The following MUC5B variants were observed in gnomAD, a reference collection of about 807,000 sequenced individuals.
The protein encoded by MUC5B is mucin 5B, oligomeric mucus/gel-forming.
A neutral mutation model predicts 376.9 loss-of-function variants in MUC5B; 116 were observed. That is an observed-to-expected ratio of 0.31 (90% CI 0.26 to 0.36). MUC5B has a LOEUF of 0.36. Among genes scored for constraint, MUC5B ranks in the 10% least tolerant of loss-of-function variants. MUC5B has a pLI of 1.00. For missense variants in MUC5B, 7,165 were observed against 7,769.9 expected (o/e 0.92, Z 2.93); for synonymous variants, 3,517 against 3,390.9 (o/e 1.04, Z -1.29).
At position 1,255,166 on chromosome 11, in the gene MUC5B, A is replaced by G; in HGVS notation, c.15790A>G (p.Thr5264Ala). 1 of 1,560,350 alleles carries G rather than the reference A, an allele frequency of 6.4e-7. No homozygotes were observed. Among genetic ancestry groups the G allele is most frequent in the Non-Finnish European group, 8.7e-7 (1 of 1,153,340 alleles). Residue 5264 changes from threonine (T) to alanine (A), a missense_variant, in exon 36 of 49, where the codon ACT becomes GCT. Physicochemically the swap from Thr to Ala is moderately conservative, Grantham distance 58. Around this residue, in one of 31 missense-constraint regions of MUC5B, gnomAD observed 842 missense variants for 1,016.9 expected, o/e 0.83. Coordinates refer to ENST00000529681, the MANE Select transcript of MUC5B (RefSeq NM_002458.3). Reference protein sequence around the residue: ...DSRKDGCWAPTGTPPTASPAA... With the variant: ...DSRKDGCWAPAGTPPTASPAA... ...CAGAAAGGATGGCTGCTGGGCCCCGACTGGCACACCCCCCACTGCCAGCCC... is the reference window on the plus strand; with the variant it reads ...CAGAAAGGATGGCTGCTGGGCCCCGGCTGGCACACCCCCCACTGCCAGCCC...
At chr11:1,238,398 G>A (rs572199324) in intron 25 of MUC5B, among the ~76,000 whole-genome samples, 12 of 152,320 alleles carry the variant, frequency 7.9e-5, no homozygotes, top group Admixed American at 7.8e-4. Flanking sequence ...CTGGCCGGGG[G>A]TTGGTTCCGC....
At chr11:1,230,781 C>CG (rs1223513817) in intron 12 of MUC5B, among the ~76,000 whole-genome samples, 155 bp from the exon 13 acceptor site, 18 of 151,740 alleles carry the variant, frequency 1.2e-4, no homozygotes, top group African/African-American at 3.1e-4. Flanking sequence ...CAGGTCCTCC[C>CG]GGGGGGGCAA....
rs1303782331 is a variant in MUC5B at position 1,258,036 on chromosome 11, G to A, written c.16451-63G>A. On this transcript the variant is annotated intron_variant, in intron 41 of 48. Coordinates refer to ENST00000529681, the MANE Select transcript of MUC5B (RefSeq NM_002458.3). This position sits in a 1 kb window ranked among gnomAD's most constrained non-coding sequence, Gnocchi z 5.5. ...GAAAAGCACGCCTGCGACTTACTCT[G>A]GGAACAAGTGGTCGGGAGGAGGAGT... is the stretch of plus-strand genomic sequence containing the variant. 49 of 1,460,184 alleles carry A rather than the reference G, an allele frequency of 3.4e-5. No individual in the cohort carries two copies. Among genetic ancestry groups the A allele is most frequent in the East Asian group, 2.2e-4 (9 of 40,168 alleles). 90.5% of individuals were successfully genotyped at this position (1,460,184 alleles called of 1,614,324 possible). A position where few individuals can be genotyped will look rare whatever the true frequency, so the allele number is the denominator to read the frequency against.
Position 1,240,858 on chromosome 11 carries a change from C to A in MUC5B, c.3978C>A (p.Ala1326=), listed in dbSNP as rs1238566248. The A allele has an allele frequency of 1.2e-6, 2 of 1,608,152 alleles. No individual in the cohort carries two copies. Among genetic ancestry groups the A allele is most frequent in the East Asian group, 2.2e-5 (1 of 44,786 alleles). The change falls in exon 31 of 49, where the codon GCC becomes GCA. Residue 1326 remains alanine, a synonymous_variant. Transcript: ENST00000529681. ...TTCCCATGCCCCTTGCAGGCCCGGC[C>A]CTCCCGGTCTCCACCGTGTGTGTCC... ...AWVPHSTTSP[A]LPVSTVCVRE...
At position 1,246,653 on chromosome 11, in the gene MUC5B, C is replaced by A. The variant is rs1326878067; in HGVS notation, c.9773C>A (p.Pro3258His). The change falls in exon 31 of 49, where the codon CCC (proline) becomes CAC (histidine). Residue 3258 changes from proline (P) to histidine (H), a missense_variant. Around this residue, in one of 31 missense-constraint regions of MUC5B, gnomAD observed 939 missense variants for 770.6 expected, o/e 1.22. Coordinates refer to ENST00000529681, the MANE Select transcript of MUC5B (RefSeq NM_002458.3). ...AWTRLSQTTT[P>H]TATMSTATPS... ...ACCCGCCTATCACAGACCACCACAC[C>A]CACGGCCACCATGTCCACAGCCACA... 6.2e-7 allele frequency: 1 copy of A among 1,612,410 alleles called. No individual in the cohort carries two copies. Among genetic ancestry groups the A allele is most frequent in the South Asian group, 1.1e-5 (1 of 91,022 alleles).
rs200333814 is a variant in MUC5B, at chr11:1,250,112, C to A, written c.13232C>A (p.Pro4411Gln). The change falls in exon 31 of 49, where the codon CCG (proline) becomes CAG (glutamine). Residue 4411 changes from proline (P) to glutamine (Q), a missense_variant. Physicochemically the swap from Pro to Gln is moderately conservative, Grantham distance 76. Around this residue, in one of 31 missense-constraint regions of MUC5B, gnomAD observed 431 missense variants for 390.4 expected, o/e 1.10. Coordinates refer to ENST00000529681, the MANE Select transcript of MUC5B (RefSeq NM_002458.3). The stretch of plus-strand genomic sequence containing the variant: ...GCAGCCACTGGCCCCACGGCCACCC[C>A]GTCCTCCACCCCAGGGACCACCTGG... Reference protein sequence around the residue: ...TTAATGPTATPSSTPGTTWIL... With the variant: ...TTAATGPTATQSSTPGTTWIL... The A allele has an allele frequency of 6.3e-7, 1 of 1,594,304 alleles. No homozygotes were observed. The highest frequency in any genetic ancestry group is 8.6e-7 in the Non-Finnish European group (1 of 1,169,042).
rs1371939126 is a variant in MUC5B at position 1,257,755 on chromosome 11, G to A, written c.16450+45G>A. 3.3e-6 allele frequency: 5 copies of A among 1,504,284 alleles called. No individual in the cohort carries two copies. The highest frequency in any genetic ancestry group is 1.3e-5 in the South Asian group (1 of 79,996). The allele number at this position is 1,504,284 out of a possible 1,614,324, so 93.2% of individuals were successfully genotyped here. Reference sequence around the variant, plus strand: ...AGGTGCCCGGCATAGGGTGAGGGGGGACAGAGCCGGTGCCCACCAGGGGCC... The same window carrying A: ...AGGTGCCCGGCATAGGGTGAGGGGGAACAGAGCCGGTGCCCACCAGGGGCC... On this transcript the variant is annotated intron_variant, in intron 41 of 48. Transcript: ENST00000529681. This position sits in a 1 kb window ranked among gnomAD's most constrained non-coding sequence, Gnocchi z 8.9.
chr11:1,234,339 G>A lies in MUC5B; in HGVS notation c.2478+34G>A. 9.7e-6 allele frequency: 8 copies of A among 825,006 alleles called. No homozygotes were observed. Among genetic ancestry groups the A allele is most frequent in the African/African-American group, 1.7e-5 (1 of 59,568 alleles). The allele number at this position is 825,006 out of a possible 1,614,324, so 51.1% of individuals were successfully genotyped here. On this transcript the variant is annotated intron_variant, in intron 20 of 48. Transcript: ENST00000529681. This position sits in a 1 kb window ranked among gnomAD's most constrained non-coding sequence, Gnocchi z 6.3. ...CATGCTTCAGGGAGGGGTGGGCAGGGAAGGGGTCCCAGCTTTCCCAGCTCC... is the reference window on the plus strand; with the variant it reads ...CATGCTTCAGGGAGGGGTGGGCAGGAAAGGGGTCCCAGCTTTCCCAGCTCC...
In MUC5B at chr11:1,240,963, T is replaced by G. The variant is rs1862267825; in HGVS notation, c.4083T>G (p.Phe1361Leu). 1 of 1,613,324 alleles carries G rather than the reference T, an allele frequency of 6.2e-7. No homozygotes were observed. Residue 1361 changes from phenylalanine to leucine, a missense_variant, in exon 31 of 49, where the codon TTT (phenylalanine) becomes TTG (leucine). Transcript: ENST00000529681. ...PGLGGGDFET[F>L]ENLRQRGYQV... is the part of the protein sequence containing the mutation. ...TGGGAGGCGGAGACTTTGAGACGTTTGAAAACCTGAGGCAGAGAGGGTACC... is the reference window on the plus strand; with the variant it reads ...TGGGAGGCGGAGACTTTGAGACGTTGGAAAACCTGAGGCAGAGAGGGTACC...
intron 26 of MUC5B, 85 bp downstream of exon 26, chr11:1,239,112 C>A (rs1034138016): frequency 6.7e-7 from 1 of 1,487,896 alleles, no homozygotes; most frequent in Non-Finnish European, 9.1e-7. Flanking sequence ...GGTGCATTGA[C>A]CTGGGCCTGA....
chr11:1,235,454 C>T (rs1192539338), intron 23 of MUC5B, 41 bp downstream of exon 23: 1 of 1,544,904 alleles, frequency 6.5e-7, no homozygotes, highest in Admixed American at 1.8e-5. Context: ...GACCCTGCAG[C>T]CAACGAGCCG....
At chr11:1,260,131 A>G (rs754739229) in intron 46 of MUC5B, 46 bp downstream of exon 46, 1 of 1,601,246 alleles carries the variant, frequency 6.2e-7, no homozygotes, top group Non-Finnish European at 8.5e-7. Flanking sequence ...CTTGTCCATC[A>G]GGGAGGCCCA....
intron 33 of MUC5B, 59 bp from the exon 34 acceptor site, chr11:1,254,033 G>A (rs1862769065): frequency 2.4e-5 from 38 of 1,566,398 alleles, no homozygotes; most frequent in Non-Finnish European, 2.8e-5. Flanking sequence ...CTGCCATGAC[G>A]CCTGGGGAGC....
Position 1,250,921 on chromosome 11 carries a change from A to T in MUC5B, c.14041A>T (p.Thr4681Ser). ...TQTSGTPPSL[T>S]TTATTITATG... ...GACCAGTGGTACTCCCCCATCACTG[A>T]CCACCACGGCCACTACGATCACGGC... Residue 4681 changes from threonine to serine, a missense_variant, in exon 31 of 49, where the codon ACC (threonine) becomes TCC (serine). Physicochemically the swap from Thr to Ser is moderately conservative, Grantham distance 58. Coordinates refer to ENST00000529681, the MANE Select transcript of MUC5B (RefSeq NM_002458.3). The T allele has an allele frequency of 1.3e-6, 2 of 1,596,492 alleles. No homozygotes were observed. The highest frequency in any genetic ancestry group is 1.7e-6 in the Non-Finnish European group (2 of 1,171,412).
chr11:1,254,084 T>C lies in MUC5B; in HGVS notation c.15218-8T>C. 1 of 1,610,152 alleles carries C rather than the reference T, an allele frequency of 6.2e-7. No individual in the cohort carries two copies. The highest frequency in any genetic ancestry group is 8.5e-7 in the Non-Finnish European group (1 of 1,179,356). ...GAGCCTGCCAGCCCGTCCATCTCTG[T>C]CCCGCAGGCATCTGCAGCATGTGGG... On this transcript the variant is annotated splice_region_variant and splice_polypyrimidine_tract_variant and intron_variant, in intron 33 of 48. Transcript: ENST00000529681.
intron 48 of MUC5B, 85 bp downstream of exon 48, chr11:1,260,813 G>C (rs1862977473): frequency 2.0e-6 from 2 of 985,454 alleles, no homozygotes; most frequent in Non-Finnish European, 3.1e-6. Context: ...AGCCTGCTCT[G>C]GGTCAGGAGG....
At position 1,259,767 on chromosome 11, in the gene MUC5B, C is replaced by T. The variant is rs1348695778; in HGVS notation, c.16725C>T (p.Tyr5575=). 6.2e-7 allele frequency: 1 copy of T among 1,612,422 alleles called. No homozygotes were observed. Among genetic ancestry groups the T allele is most frequent in the Admixed American group, 1.7e-5 (1 of 59,994 alleles). Residue 5575 remains tyrosine (Y), a synonymous_variant, in exon 45 of 49, where the codon TAC becomes TAT. Transcript: ENST00000529681. ...NNTTCPQGFE[Y]KRVAGQCCGE... is the part of the protein sequence containing the mutation. ...TCATGTCCCCACAGGGCTTTGAGTA[C>T]AAGAGAGTGGCCGGGCAGTGCTGTG... is the stretch of plus-strand genomic sequence containing the variant.
chr11:1,236,613 CAG>C, intron 24 of MUC5B, 51 bp downstream of exon 24: 1 of 1,564,864 alleles, frequency 6.4e-7, no homozygotes, highest in Non-Finnish European at 8.7e-7. Context: ...CTCACAGTGA[CAG>C]AAACCCTGGT....
chr11:1,259,071 G>C lies in MUC5B; in HGVS notation c.16713+10G>C. 6.5e-7 allele frequency: 1 copy of C among 1,545,582 alleles called. No homozygotes were observed. Among genetic ancestry groups the C allele is most frequent in the Non-Finnish European group, 8.7e-7 (1 of 1,145,674 alleles). ...TACTACCTGTCCCCAGGTGAGACCC[G>C]AGGCACCTGCCCCCAGGTGAGCCCC... is the stretch of plus-strand genomic sequence containing the variant. On this transcript the variant is annotated intron_variant, in intron 44 of 48. Transcript: ENST00000529681.
Sources: gnomAD v4.1 joint callset for allele counts (sites outside exome capture counted in the v4.1 genomes callset) on GRCh38, gnomAD v4.1.1 for gene constraint, gnomAD v4.1.1 regional missense constraint, Gnocchi (gnomAD v3.1) non-coding constraint, MANE v1.5 for transcripts, NCBI Gene and HGNC (gene_info 2026-07-23, HGNC 2026-07-21) for gene names.